The following GPR89B variants were observed in gnomAD, a reference collection of about 807,000 sequenced individuals.
GPR89B encodes the protein golgi pH regulator B, also known as G protein-coupled receptor 89B.
In GPR89B, 25 loss-of-function variants were observed where a neutral mutation model predicts 52.4. That is an observed-to-expected ratio of 0.48 (90% CI 0.35 to 0.67). The LOEUF is 0.67. GPR89B is among the 30% of genes least tolerant of loss of function. GPR89B has a pLI of 0.01. For missense variants in GPR89B, 146 were observed against 450.2 expected, an observed-to-expected ratio of 0.32 and a Z score of 6.11; for synonymous variants, 52 against 151.2, an observed-to-expected ratio of 0.34 and a Z score of 4.81.
chr1:147,961,575 C>T (rs1156688234), intron 7 of GPR89B, among the ~76,000 whole-genome samples: 2 of 152,156 alleles, frequency 1.3e-5, no homozygotes, highest in African/African-American at 4.8e-5. Context: ...GAGGCTAAAG[C>T]GAGAGGATTG....
chr1:148,020,713 GTCTC>G, the GPR89B span, among the ~76,000 whole-genome samples: 1 of 152,162 alleles, frequency 6.6e-6, no homozygotes, highest in Admixed American at 6.5e-5. Context: ...TTGAGACAGA[GTCTC>G]TGTCTGGCCC....
In GPR89B at chr1:147,928,478, A is replaced by C. The variant is rs1335281463; in HGVS notation, c.-59A>C. On this transcript the variant is annotated 5_prime_UTR_variant, in exon 1 of 14. Coordinates refer to ENST00000314163, the MANE Select transcript of GPR89B (RefSeq NM_016334.5). ...ACCGTGTGAGGGGGCCTGTGGCCCC[A>C]GCGTGCTGTGGCCTCCGGGAGTGGG... 5 of 1,606,404 alleles carry C rather than the reference A, an allele frequency of 3.1e-6. No homozygotes were observed. In the African/African-American group the frequency reaches 6.7e-5, roughly 22 times the overall value.
At position 147,958,271 on chromosome 1, in the gene GPR89B, A is replaced by G. The variant is rs1257893196; in HGVS notation, c.617+3869A>G. 5.6e-3 allele frequency among the ~76,000 whole-genome samples: 845 copies of G among 152,222 alleles called. 19 individuals are homozygous for G. Among genetic ancestry groups the G allele is most frequent in the African/African-American group, 0.019 (797 of 41,452 alleles). ...TTAAAAAATAGAGCAAGATTATTCA[A>G]AAGTGAAAGATTTATATAAACAATA... is the stretch of plus-strand genomic sequence containing the variant. On this transcript the variant is annotated intron_variant, in intron 7 of 13. Coordinates refer to ENST00000314163, the MANE Select transcript of GPR89B (RefSeq NM_016334.5).
chr1:148,005,671 A>G, the GPR89B span, among the ~76,000 whole-genome samples: 1 of 152,220 alleles, frequency 6.6e-6, no homozygotes, highest in Admixed American at 6.5e-5. Context: ...CCTTAATGTT[A>G]TCACACAAAT....
the GPR89B span, among the ~76,000 whole-genome samples, chr1:148,004,412 G>A: frequency 1.4e-5 from 2 of 147,406 alleles, no homozygotes; most frequent in Non-Finnish European, 3.0e-5. Context: ...TGATCCACCC[G>A]CCTCGGCCTC....
downstream of GPR89B, chr1:147,995,483 A>G (rs2306524): frequency 0.17 from 214,190 of 1,248,608 alleles, 20,157 homozygotes; most frequent in East Asian, 0.39. Context: ...TTACATTGTC[A>G]TTTTCTAGTT....
At chr1:148,013,201 C>T in the GPR89B span, among the ~76,000 whole-genome samples, 2 of 152,060 alleles carry the variant, frequency 1.3e-5, no homozygotes, top group African/African-American at 2.4e-5. Flanking sequence ...TCAAGGGACA[C>T]CAGGATAGAA....
chr1:148,015,229 C>CGGGT, the GPR89B span, among the ~76,000 whole-genome samples: 2 of 144,580 alleles, frequency 1.4e-5, no homozygotes, highest in African/African-American at 5.2e-5. Context: ...CAACTTTACC[C>CGGGT]GCCTCTCCTC....
chr1:147,999,958 CA>C, the GPR89B span, among the ~76,000 whole-genome samples: 1 of 152,060 alleles, frequency 6.6e-6, no homozygotes, highest in Non-Finnish European at 1.5e-5. Context: ...ATGGTCTGAC[CA>C]AGTAAGTACA....
chr1:147,960,341 A>T (rs1334897194), intron 7 of GPR89B, among the ~76,000 whole-genome samples: 1 of 150,684 alleles, frequency 6.6e-6, no homozygotes, highest in African/African-American at 2.4e-5. Flanking sequence ...GTGGATCCAG[A>T]TTACACATTT....
chr1:147,982,472 G>T (rs1315200214), intron 10 of GPR89B, among the ~76,000 whole-genome samples: 3 of 139,088 alleles, frequency 2.2e-5, no homozygotes, highest in African/African-American at 8.2e-5. Context: ...ACCAACAATT[G>T]TTATTAACTT....
intron 7 of GPR89B, among the ~76,000 whole-genome samples, chr1:147,962,454 T>C (rs1656657767): frequency 7.0e-6 from 1 of 143,014 alleles, no homozygotes; most frequent in Admixed American, 7.0e-5. Flanking sequence ...AGAAAAGAAA[T>C]ACTGACACAA....
intron 1 of GPR89B, among the ~76,000 whole-genome samples, chr1:147,930,072 G>A (rs1329250298): frequency 1.3e-5 from 2 of 152,162 alleles, no homozygotes; most frequent in Non-Finnish European, 2.9e-5. Flanking sequence ...CAGCCTCTAC[G>A]ATTTTTAGCA....
At chr1:148,002,614 GC>G in the GPR89B span, among the ~76,000 whole-genome samples, 5 of 152,038 alleles carry the variant, frequency 3.3e-5, no homozygotes, top group African/African-American at 1.2e-4. Flanking sequence ...GATGTGCAAA[GC>G]CCCCAAGACA....
At chr1:147,965,307 C>G (rs2796986) in intron 7 of GPR89B, among the ~76,000 whole-genome samples, 8,932 of 145,008 alleles carry the variant, frequency 0.062, 643 homozygotes, top group African/African-American at 0.16. Context: ...GGTACCATTG[C>G]TACTATTTGT....
At chr1:148,012,518 C>T in the GPR89B span, among the ~76,000 whole-genome samples, 4 of 150,184 alleles carry the variant, frequency 2.7e-5, no homozygotes, top group Non-Finnish European at 5.9e-5. Context: ...CCCCCGCAGC[C>T]CCCTCCTCTT....
At position 147,992,483 on chromosome 1, in the gene GPR89B, T is replaced by C; in HGVS notation, c.1096-19T>C. On this transcript the variant is annotated intron_variant, in intron 12 of 13. Coordinates refer to ENST00000314163, the MANE Select transcript of GPR89B (RefSeq NM_016334.5). ...AATCTAACAGTACTGCATAAATTTA[T>C]CTCCCTCTTTCTTGACAGTTCTTTT... 6.2e-7 allele frequency: 1 copy of C among 1,611,348 alleles called. No homozygotes were observed. The highest frequency in any genetic ancestry group is 8.5e-7 in the Non-Finnish European group (1 of 1,179,472).
chr1:148,025,523 CAAAAAAAAAAAAAA>C, the GPR89B span, among the ~76,000 whole-genome samples: 10 of 29,658 alleles, frequency 3.4e-4, no homozygotes, highest in Non-Finnish European at 4.2e-4. Flanking sequence ...AACTCTGTCT[CAAAAAAAAAAAAAA>C]AAAAAAAAAA....
chr1:147,948,795 G>A (rs1553250220), intron 5 of GPR89B, among the ~76,000 whole-genome samples: 1 of 148,116 alleles, frequency 6.8e-6, no homozygotes, highest in Admixed American at 6.7e-5. Flanking sequence ...TCATTCTTGG[G>A]TGTTTCTCAC....
Sources: gnomAD v4.1 joint callset for allele counts (sites outside exome capture counted in the v4.1 genomes callset) on GRCh38, gnomAD v4.1.1 for gene constraint, MANE v1.5 for transcripts, NCBI Gene and HGNC (gene_info 2026-07-23, HGNC 2026-07-21) for gene names.